Variants in BMP2K observed in about 807,000 individuals in gnomAD.
BMP2K encodes the protein BMP-2-inducible protein kinase.
Under a neutral mutation model 116.0 loss-of-function variants are expected in BMP2K, and 74 were observed. The observed-to-expected ratio is 0.64, with a 90% CI of 0.53 to 0.77. The LOEUF (loss-of-function observed/expected upper bound fraction) is 0.77, where lower values mean the gene tolerates loss of function less well. Among genes scored for constraint, BMP2K ranks in the 30% least tolerant of loss-of-function variants. The pLI is 0.00. For missense variants in BMP2K, 1,365 were observed against 1,403.6 expected, an observed-to-expected ratio of 0.97 and a Z score of 0.44; for synonymous variants, 486 against 502.5, an observed-to-expected ratio of 0.97 and a Z score of 0.44.
intron 1 of BMP2K, among the ~76,000 whole-genome samples, chr4:78,817,356 C>T (rs1214153380): frequency 6.6e-6 from 1 of 152,212 alleles, no homozygotes; most frequent in Non-Finnish European, 1.5e-5. Context: ...ATCTGTACTT[C>T]TGATAAACTT....
In BMP2K at chr4:78,842,550, G is replaced by A. The variant is rs1355764971; in HGVS notation, c.546+23G>A. 2.0e-6 allele frequency: 3 copies of A among 1,530,372 alleles called. No individual in the cohort carries two copies. In the South Asian group the frequency reaches 3.7e-5, roughly 19 times the overall value. The allele number at this position is 1,530,372 out of a possible 1,614,324, so 94.8% of individuals were successfully genotyped here. A position where few individuals can be genotyped will look rare whatever the true frequency, so the allele number is the denominator to read the frequency against. Reference sequence around the variant, plus strand: ...AAGGTAAGAACTTTAGAATTCCTATGGATTAAGTAATAAGTTGGAGTTAAA... The same window carrying A: ...AAGGTAAGAACTTTAGAATTCCTATAGATTAAGTAATAAGTTGGAGTTAAA... On this transcript the variant is annotated intron_variant, in intron 4 of 15. Coordinates refer to ENST00000502613, the MANE Select transcript of BMP2K (RefSeq NM_198892.2).
Position 78,907,183 on chromosome 4 carries a change from A to G in BMP2K, c.2063-3427A>G, listed in dbSNP as rs143168686. 4.9e-3 allele frequency among the ~76,000 whole-genome samples: 747 copies of G among 152,334 alleles called. 6 individuals carry two copies. The highest frequency in any genetic ancestry group is 0.017 in the African/African-American group (716 of 41,586). ...AATAATAGACTGTTGATACCTGAAA[A>G]GATGCATTAAAAATAGTAAGTTAAA... On this transcript the variant is annotated intron_variant, in intron 15 of 15. Transcript: ENST00000502613.
At chr4:78,887,419 C>A in intron 15 of BMP2K, 135 bp downstream of exon 15, 1 of 678,734 alleles carries the variant, frequency 1.5e-6, no homozygotes. Flanking sequence ...CTTTAGCCAT[C>A]CTACTCTTCT....
In BMP2K at chr4:78,911,920, G is replaced by T; in HGVS notation, c.3373G>T (p.Ala1125Ser). The T allele has an allele frequency of 6.2e-7, 1 of 1,613,960 alleles. No homozygotes were observed. The highest frequency in any genetic ancestry group is 1.1e-5 in the South Asian group (1 of 91,072). ...ADVLKMDDFG[A>S]VPFTELVVQS... ...TGTATTGAAAATGGATGATTTTGGT[G>T]CCGTGCCCTTTACAGAACTTGTGGT... The change falls in exon 16 of 16, where the codon GCC becomes TCC. Residue 1125 changes from alanine to serine, a missense_variant. This residue lies in a region of BMP2K where 596 missense variants were observed against 623.2 expected (regional missense o/e 0.96). Transcript: ENST00000502613.
intron 1 of BMP2K, among the ~76,000 whole-genome samples, chr4:78,822,604 A>G (rs1729675065): frequency 6.6e-6 from 1 of 152,140 alleles, no homozygotes; most frequent in South Asian, 2.1e-4. Flanking sequence ...GAGAACATTT[A>G]GAATGCTTTA....
chr4:78,800,426 A>G (rs1728512569), intron 1 of BMP2K, among the ~76,000 whole-genome samples: 1 of 152,182 alleles, frequency 6.6e-6, no homozygotes, highest in Non-Finnish European at 1.5e-5. Context: ...ATCTTCTGTG[A>G]CTTAATTACC....
At chr4:78,864,499 AGT>A (rs1282010716) in intron 9 of BMP2K, among the ~76,000 whole-genome samples, 1 of 151,048 alleles carries the variant, frequency 6.6e-6, no homozygotes, top group East Asian at 1.9e-4. Flanking sequence ...CTAGAGCTTA[AGT>A]GTTACTTTCA....
At chr4:78,893,947 ATCT>A (rs1733571720) in intron 15 of BMP2K, among the ~76,000 whole-genome samples, 1 of 152,220 alleles carries the variant, frequency 6.6e-6, no homozygotes, top group Admixed American at 6.5e-5. Flanking sequence ...AACAACAGTA[ATCT>A]TCTTGTACTT....
At chr4:78,815,572 T>C (rs1221994723) in intron 1 of BMP2K, among the ~76,000 whole-genome samples, 2 of 152,142 alleles carry the variant, frequency 1.3e-5, no homozygotes, top group Non-Finnish European at 2.9e-5. Flanking sequence ...AAACATACTT[T>C]GTTTCTTGTT....
intron 1 of BMP2K, among the ~76,000 whole-genome samples, chr4:78,779,518 G>A (rs1291223975): frequency 6.6e-6 from 1 of 152,190 alleles, no homozygotes; most frequent in Non-Finnish European, 1.5e-5. Flanking sequence ...TATGTAAGCT[G>A]AAACTAGAAT....
intron 15 of BMP2K, among the ~76,000 whole-genome samples, chr4:78,904,226 T>C (rs1219322612): frequency 2.0e-5 from 3 of 151,818 alleles, no homozygotes; most frequent in Non-Finnish European, 4.4e-5. Flanking sequence ...GTTAATAAGA[T>C]TGAAGAGAAA....
chr4:78,911,562 G>T lies in BMP2K; in HGVS notation c.3015G>T (p.Lys1005Asn), dbSNP rs1734610423. The T allele has an allele frequency of 6.2e-7, 1 of 1,613,916 alleles. No individual in the cohort carries two copies. The highest frequency in any genetic ancestry group is 1.3e-5 in the African/African-American group (1 of 74,944). ...ATCATGGCACGCCAACTAGCACAAA[G>T]AAGACTTTGAAGCCTACCTATCGCA... ...KRHHGTPTST[K>N]KTLKPTYRTP... Residue 1005 changes from lysine to asparagine, a missense_variant, in exon 16 of 16, where the codon AAG (lysine) becomes AAT (asparagine). Transcript: ENST00000502613.
chr4:78,878,306 G>A (rs1195007240), intron 13 of BMP2K, among the ~76,000 whole-genome samples: 2 of 152,124 alleles, frequency 1.3e-5, no homozygotes, highest in Non-Finnish European at 2.9e-5. Flanking sequence ...GTCTGATAAG[G>A]TGACTGATTT....
chr4:78,875,728 A>G (rs1485066953), intron 13 of BMP2K, among the ~76,000 whole-genome samples: 1 of 152,228 alleles, frequency 6.6e-6, no homozygotes, highest in Non-Finnish European at 1.5e-5. Flanking sequence ...TGTAATTTAC[A>G]AGATAGTTCA....
At chr4:78,785,710 C>G (rs1231784852) in intron 1 of BMP2K, among the ~76,000 whole-genome samples, 1 of 152,152 alleles carries the variant, frequency 6.6e-6, no homozygotes, top group Non-Finnish European at 1.5e-5. Context: ...TTTACAGATA[C>G]AAAGTTTACC....
At chr4:78,804,996 G>A (rs1728748699) in intron 1 of BMP2K, among the ~76,000 whole-genome samples, 2 of 151,968 alleles carry the variant, frequency 1.3e-5, no homozygotes, top group Non-Finnish European at 2.9e-5. Flanking sequence ...CCTAATCCAA[G>A]GTTTGAAGAT....
intron 1 of BMP2K, among the ~76,000 whole-genome samples, chr4:78,796,746 T>C (rs1415142697): frequency 6.6e-6 from 1 of 152,134 alleles, no homozygotes; most frequent in Non-Finnish European, 1.5e-5. Context: ...TAACGGATGA[T>C]TGTGGTCTAT....
At chr4:78,844,891 TGAAAA>T (rs1730925622) in intron 4 of BMP2K, 32 bp from the exon 5 acceptor site, 1 of 1,530,086 alleles carries the variant, frequency 6.5e-7, no homozygotes, top group South Asian at 1.2e-5. Flanking sequence ...ATTTTCACTT[TGAAAA>T]TACTACTCAT....
At chr4:78,788,282 C>T (rs1727829126) in intron 1 of BMP2K, among the ~76,000 whole-genome samples, 1 of 151,796 alleles carries the variant, frequency 6.6e-6, no homozygotes, top group South Asian at 2.1e-4. Context: ...TATATGTGCT[C>T]AGATGTGCAT....
Sources: gnomAD v4.1 joint callset for allele counts (sites outside exome capture counted in the v4.1 genomes callset) on GRCh38, gnomAD v4.1.1 for gene constraint, gnomAD v4.1.1 regional missense constraint, MANE v1.5 for transcripts, NCBI Gene and HGNC (gene_info 2026-07-23, HGNC 2026-07-21) for gene names.